The following MAP3K6 variants were observed in gnomAD, a reference collection of about 807,000 sequenced individuals.
The protein encoded by MAP3K6 is apoptosis signal-regulating kinase 2.
Under a neutral mutation model 147.1 loss-of-function variants are expected in MAP3K6, and 105 were observed. That is an observed-to-expected ratio of 0.71 (90% CI 0.61 to 0.84). The LOEUF (loss-of-function observed/expected upper bound fraction) is 0.84. MAP3K6 is among the 40% of genes least tolerant of loss of function. The probability of loss-of-function intolerance (pLI) is 0.00; values close to 1 mark genes in which losing one functional copy is unlikely to be tolerated. For missense variants in MAP3K6, 1,569 were observed against 1,715.0 expected (o/e 0.91, Z 1.50); for synonymous variants, 695 against 732.4 (o/e 0.95, Z 0.82).
At position 27,360,589 on chromosome 1, in the gene MAP3K6, C is replaced by T; in HGVS notation, c.2054+116G>A. ...GGGCCCAGTCCACAGGGCTCGAACT[C>T]TCAGGTCCTACGAGCCCGCCCACTA... On this transcript the variant is annotated intron_variant, in intron 15 of 28. Coordinates refer to ENST00000357582, the MANE Select transcript of MAP3K6 (RefSeq NM_004672.5). This position sits in a 1 kb window ranked among gnomAD's most constrained non-coding sequence, Gnocchi z 4.5. The T allele has an allele frequency of 6.9e-7, 1 of 1,455,580 alleles. No homozygotes were observed. The highest frequency in any genetic ancestry group is 9.1e-7 in the Non-Finnish European group (1 of 1,098,518). The allele number at this position is 1,455,580 out of a possible 1,614,324, so 90.2% of individuals were successfully genotyped here. A position where few individuals can be genotyped will look rare whatever the true frequency, so the allele number is the denominator to read the frequency against.
Position 27,358,668 on chromosome 1 carries a change from C to T in MAP3K6, c.2583+41G>A. On this transcript the variant is annotated intron_variant, in intron 19 of 28. Transcript: ENST00000357582. The surrounding 1 kb of genome is among the most constrained non-coding windows in gnomAD (Gnocchi z 6.2). ...CAGAGGTGTCCAAGGCCCAGGCTGG[C>T]CCTATGCCACTTCCATGGGCCAGGC... 1 of 1,613,564 alleles carries T rather than the reference C, an allele frequency of 6.2e-7. No homozygotes were observed. Among genetic ancestry groups the T allele is most frequent in the Non-Finnish European group, 8.5e-7 (1 of 1,179,926 alleles).
Position 27,360,131 on chromosome 1 carries a change from A to G in MAP3K6, c.2182+110T>C, listed in dbSNP as rs964943303. 5 of 1,577,470 alleles carry G rather than the reference A, an allele frequency of 3.2e-6. No individual in the cohort carries two copies. The highest frequency in any genetic ancestry group is 2.3e-5 in the South Asian group (2 of 85,966). ...CACTCCTCAGCTAATTCTAGGCTAC[A>G]CCACCCACACGCACTAGGGTGCATT... On this transcript the variant is annotated intron_variant, in intron 16 of 28. Coordinates refer to ENST00000357582, the MANE Select transcript of MAP3K6 (RefSeq NM_004672.5). This position sits in a 1 kb window ranked among gnomAD's most constrained non-coding sequence, Gnocchi z 4.5.
chr1:27,360,657 T>C lies in MAP3K6; in HGVS notation c.2054+48A>G. ...CCGCTCCGCTCGTGGCCCGGCTCAC[T>C]CGGCCCTCGCGAGCCCTCAGCCCCA... On this transcript the variant is annotated intron_variant, in intron 15 of 28. Transcript: ENST00000357582. The surrounding 1 kb of genome is among the most constrained non-coding windows in gnomAD (Gnocchi z 4.5). 1 of 1,575,394 alleles carries C rather than the reference T, an allele frequency of 6.3e-7. No individual in the cohort carries two copies. Among genetic ancestry groups the C allele is most frequent in the South Asian group, 1.1e-5 (1 of 87,672 alleles).
At chr1:27,357,676 G>T in intron 22 of MAP3K6, 35 bp downstream of exon 22, 1 of 1,603,760 alleles carries the variant, frequency 6.2e-7, no homozygotes, top group South Asian at 1.1e-5. Flanking sequence ...CTGACCCTTT[G>T]CGACCACCAG....
rs978292550 is a variant in MAP3K6 at position 27,357,346 on chromosome 1, G to A, written c.3258+54C>T. ...CAAGTCCTGGCACCTCACCAGGCAC[G>A]GGGAACTCACTACCTGTTGTTGGGC... On this transcript the variant is annotated intron_variant, in intron 23 of 28. Coordinates refer to ENST00000357582, the MANE Select transcript of MAP3K6 (RefSeq NM_004672.5). 6 of 1,551,840 alleles carry A rather than the reference G, an allele frequency of 3.9e-6. No homozygotes were observed. The African/African-American group carries it at 6.8e-5, about 18-fold the overall frequency.
chr1:27,362,828 C>T (rs374184550), intron 7 of MAP3K6, 23 bp downstream of exon 7: 29 of 1,612,614 alleles, frequency 1.8e-5, no homozygotes, highest in African/African-American at 1.7e-4. Flanking sequence ...CTTAGCCCAC[C>T]GGCCACTCAC....
intron 25 of MAP3K6, 42 bp from the exon 26 acceptor site, chr1:27,356,542 G>A: frequency 6.2e-7 from 1 of 1,611,504 alleles, no homozygotes; most frequent in East Asian, 2.2e-5. Flanking sequence ...TGAGTGGTGA[G>A]TGGGTTGAAG....
At position 27,356,505 on chromosome 1, in the gene MAP3K6, G is replaced by T; in HGVS notation, c.3525-5C>A. 6.2e-7 allele frequency: 1 copy of T among 1,613,460 alleles called. No homozygotes were observed. The highest frequency in any genetic ancestry group is 1.1e-5 in the South Asian group (1 of 90,966). Reference sequence around the variant, plus strand: ...CCCGCCAGGATTTCGCGCAGCCTGTGGGGCGCAGAAGAGTAGAATGGAGCG... The same window carrying T: ...CCCGCCAGGATTTCGCGCAGCCTGTTGGGCGCAGAAGAGTAGAATGGAGCG... On this transcript the variant is annotated splice_polypyrimidine_tract_variant and splice_region_variant and intron_variant, in intron 25 of 28. Coordinates refer to ENST00000357582, the MANE Select transcript of MAP3K6 (RefSeq NM_004672.5).
At position 27,359,317 on chromosome 1, in the gene MAP3K6, T is replaced by A; in HGVS notation, c.2425+100A>T. 6.4e-7 allele frequency: 1 copy of A among 1,559,276 alleles called. No homozygotes were observed. The highest frequency in any genetic ancestry group is 8.8e-7 in the Non-Finnish European group (1 of 1,141,842). On this transcript the variant is annotated intron_variant, in intron 18 of 28. Coordinates refer to ENST00000357582, the MANE Select transcript of MAP3K6 (RefSeq NM_004672.5). This position sits in a 1 kb window ranked among gnomAD's most constrained non-coding sequence, Gnocchi z 4.4. ...CCTGGGTTTCATTCCCCATTAGGACTCTAACTCCATGCCTAGGAGAAACCC... is the reference window on the plus strand; with the variant it reads ...CCTGGGTTTCATTCCCCATTAGGACACTAACTCCATGCCTAGGAGAAACCC...
chr1:27,356,738 CCTT>C lies in MAP3K6; in HGVS notation c.3373_3375del (p.Lys1125del), dbSNP rs552271487. ...TCCTCTGACCTCGGTGAGACCGCCT[CCTT>C]CTCCACCTCTGCAGCCCAGTGCGGT... On this transcript the variant is annotated inframe_deletion, in exon 25 of 29. Coordinates refer to ENST00000357582, the MANE Select transcript of MAP3K6 (RefSeq NM_004672.5). 17,050 of 1,565,996 alleles carry C rather than the reference CCTT, an allele frequency of 0.011. 130 individuals are homozygous for C. Among genetic ancestry groups the C allele is most frequent in the Non-Finnish European group, 0.013 (15,163 of 1,155,682 alleles).
chr1:27,365,760 G>C (rs527586535), intron 1 of MAP3K6, among the ~76,000 whole-genome samples: 1 of 151,726 alleles, frequency 6.6e-6, no homozygotes, highest in Admixed American at 6.6e-5. Context: ...CTCCTAGCCC[G>C]ATCCTTGGAA....
rs1467851411 is a variant in MAP3K6 at position 27,363,488 on chromosome 1, C to T, written c.925G>A (p.Ala309Thr). The change falls in exon 6 of 29, where the codon GCC (alanine) becomes ACC (threonine). Residue 309 changes from alanine to threonine, a missense_variant. Transcript: ENST00000357582. ...TLQALPTCDV[A>T]EQHNVCFHYT... is the part of the protein sequence containing the mutation. The stretch of plus-strand genomic sequence containing the variant: ...TGGAAGCAGACATTATGCTGCTCGG[C>T]CACATCACAGGTGGGCAAGGCCTGC... The T allele has an allele frequency of 1.2e-6, 2 of 1,613,774 alleles. No individual in the cohort carries two copies. Among genetic ancestry groups the T allele is most frequent in the Non-Finnish European group, 8.5e-7 (1 of 1,179,856 alleles).
At chr1:27,357,921 G>A (rs1379131950) in intron 21 of MAP3K6, 45 bp from the exon 22 acceptor site, 3 of 1,535,726 alleles carry the variant, frequency 2.0e-6, no homozygotes, top group Non-Finnish European at 2.6e-6. Context: ...GCAGCAACCG[G>A]CCAGTCACCT....
chr1:27,357,432 G>A lies in MAP3K6; in HGVS notation c.3226C>T (p.Leu1076=), dbSNP rs1356605919. Residue 1076 remains leucine (L), a synonymous_variant, in exon 23 of 29, where the codon CTG becomes TTG. Transcript: ENST00000357582. The part of the protein sequence containing the change: ...LRAQGLGPAL[L]HRPLFAFPDA... The stretch of plus-strand genomic sequence containing the variant: ...GGGAAGGCAAACAGCGGTCTGTGCA[G>A]AAGCGCAGGCCCAAGGCCCTGGGCC... 37 of 1,612,186 alleles carry A rather than the reference G, an allele frequency of 2.3e-5. No individual in the cohort carries two copies. The highest frequency in any genetic ancestry group is 3.1e-5 in the Non-Finnish European group (36 of 1,178,914).
At position 27,360,843 on chromosome 1, in the gene MAP3K6, C is replaced by G; in HGVS notation, c.1921-5G>C. The G allele has an allele frequency of 1.2e-6, 2 of 1,612,584 alleles. No individual in the cohort carries two copies. Among genetic ancestry groups the G allele is most frequent in the Non-Finnish European group, 1.7e-6 (2 of 1,179,766 alleles). On this transcript the variant is annotated splice_region_variant and splice_polypyrimidine_tract_variant and intron_variant, in intron 14 of 28. Coordinates refer to ENST00000357582, the MANE Select transcript of MAP3K6 (RefSeq NM_004672.5). The surrounding 1 kb of genome is among the most constrained non-coding windows in gnomAD (Gnocchi z 4.5). ...CTCCGTGTACTCATAATCAAACTGC[C>G]GGGCGCGGGGTGAGATGGGAGTTCA...
chr1:27,361,057 C>A, intron 13 of MAP3K6, 49 bp from the exon 14 acceptor site: 1 of 1,537,906 alleles, frequency 6.5e-7, no homozygotes, highest in South Asian at 1.2e-5. Context: ...TTGGTCCCCA[C>A]CTAAGCCGGA....
chr1:27,357,755 G>A lies in MAP3K6; in HGVS notation c.3037C>T (p.Pro1013Ser). The A allele has an allele frequency of 2.5e-6, 4 of 1,611,634 alleles. No homozygotes were observed. Among genetic ancestry groups the A allele is most frequent in the East Asian group, 2.2e-5 (1 of 44,872 alleles). Residue 1013 changes from proline to serine, a missense_variant, in exon 22 of 29, where the codon CCA becomes TCA. Coordinates refer to ENST00000357582, the MANE Select transcript of MAP3K6 (RefSeq NM_004672.5). ...MLAAVLEQEL[P>S]ALAENLHQEQ... ...TGGTGCAGATTCTCCGCCAGCGCTG[G>A]CAGCTCCTGCTCCAATACTGCGGCC...
At chr1:27,356,816 T>G (rs1412612547) in intron 24 of MAP3K6, 67 bp from the exon 25 acceptor site, 2 of 1,511,474 alleles carry the variant, frequency 1.3e-6, no homozygotes, top group Non-Finnish European at 1.8e-6. Flanking sequence ...GACCCCAAAG[T>G]GCGGGGGTAG....
At position 27,364,706 on chromosome 1, in the gene MAP3K6, A is replaced by G. The variant is rs2015913549; in HGVS notation, c.481-22T>C. Reference sequence around the variant, plus strand: ...CCTCCTGCAGGAGGCAGACAGTCAGATACTGGTGTTCTGTGTAGGCCTTAC... The same window carrying G: ...CCTCCTGCAGGAGGCAGACAGTCAGGTACTGGTGTTCTGTGTAGGCCTTAC... On this transcript the variant is annotated intron_variant, in intron 2 of 28. Coordinates refer to ENST00000357582, the MANE Select transcript of MAP3K6 (RefSeq NM_004672.5). The surrounding 1 kb of genome is among the most constrained non-coding windows in gnomAD (Gnocchi z 4.4). 6.2e-7 allele frequency: 1 copy of G among 1,614,130 alleles called. No individual in the cohort carries two copies. Among genetic ancestry groups the G allele is most frequent in the Non-Finnish European group, 8.5e-7 (1 of 1,180,012 alleles).
Sources: gnomAD v4.1 joint callset for allele counts (sites outside exome capture counted in the v4.1 genomes callset) on GRCh38, gnomAD v4.1.1 for gene constraint, Gnocchi (gnomAD v3.1) non-coding constraint, MANE v1.5 for transcripts, NCBI Gene and HGNC (gene_info 2026-07-23, HGNC 2026-07-21) for gene names.